The following PCDHGA2 variants were observed in gnomAD, a reference collection of about 807,000 sequenced individuals.
PCDHGA2 encodes protocadherin gamma subfamily A, 2, also known as protocadherin gamma-A2.
PCDHGA2 carries 40 observed loss-of-function variants against 59.2 expected under a neutral mutation model. That is an observed-to-expected ratio of 0.68 (90% confidence interval 0.52 to 0.88). PCDHGA2 has a LOEUF of 0.88. Among genes scored for constraint, PCDHGA2 ranks in the 40% least tolerant of loss-of-function variants. PCDHGA2 has a pLI of 0.00. For missense variants in PCDHGA2, 1,226 were observed against 1,204.0 expected (o/e 1.02, Z -0.27); for synonymous variants, 560 against 526.0 (o/e 1.06, Z -0.89).
Position 141,346,237 on chromosome 5 carries a change from C to T in PCDHGA2, c.2424+4842C>T, listed in dbSNP as rs769767532. The T allele has an allele frequency of 3.5e-5, 56 of 1,614,130 alleles. No individual in the cohort carries two copies. In the African/African-American group the frequency reaches 6.4e-4, roughly 18 times the overall value. On this transcript the variant is annotated intron_variant, in intron 1 of 3. Transcript: ENST00000394576. Reference sequence around the variant, plus strand: ...GCTTCGGGAGGCGGCTTGGCGAGTACGCCCGGCTCGCACTTTGTGGGCGCG... The same window carrying T: ...GCTTCGGGAGGCGGCTTGGCGAGTATGCCCGGCTCGCACTTTGTGGGCGCG...
rs1419016534 is a variant in PCDHGA2, at chr5:141,355,792, C to A, written c.2424+14397C>A. On this transcript the variant is annotated intron_variant, in intron 1 of 3. Coordinates refer to ENST00000394576, the MANE Select transcript of PCDHGA2 (RefSeq NM_018915.4). Reference sequence around the variant, plus strand: ...TAAGTACCCAGAGCTGGTGCTGGAACGCGCTCTAGATCGCGAGGAAGAGGC... The same window carrying A: ...TAAGTACCCAGAGCTGGTGCTGGAAAGCGCTCTAGATCGCGAGGAAGAGGC... 8.1e-6 allele frequency: 13 copies of A among 1,613,562 alleles called. No individual in the cohort carries two copies. The South Asian group carries it at 1.3e-4, about 16-fold the overall frequency.
intron 2 of PCDHGA2, among the ~76,000 whole-genome samples, chr5:141,502,472 A>G (rs1450967250): frequency 1.3e-5 from 2 of 150,886 alleles, no homozygotes; most frequent in Non-Finnish European, 2.9e-5. Flanking sequence ...TACTTCCCGC[A>G]GCATCACACT....
intron 1 of PCDHGA2, among the ~76,000 whole-genome samples, chr5:141,456,745 A>T (rs573105679): frequency 6.6e-6 from 1 of 151,920 alleles, no homozygotes; most frequent in South Asian, 2.1e-4. Context: ...CGGGAGCATC[A>T]TGAGGTCAGG....
intron 1 of PCDHGA2, chr5:141,361,109 G>C: frequency 1.2e-6 from 2 of 1,613,990 alleles, no homozygotes; most frequent in Non-Finnish European, 1.7e-6. Flanking sequence ...AAAGATCCTG[G>C]AGATCTAGCA....
At position 141,476,786 on chromosome 5, in the gene PCDHGA2, C is replaced by G. The variant is rs2099398607; in HGVS notation, c.2425-18021C>G. 3.1e-6 allele frequency: 5 copies of G among 1,613,444 alleles called. No individual in the cohort carries two copies. The highest frequency in any genetic ancestry group is 1.7e-5 in the Admixed American group (1 of 60,000). ...GGCGTTGGACGGAGGGACCCCAGCTCTCTCCGCCAGCCTGCCTATTCACAT... is the reference window on the plus strand; with the variant it reads ...GGCGTTGGACGGAGGGACCCCAGCTGTCTCCGCCAGCCTGCCTATTCACAT... On this transcript the variant is annotated intron_variant, in intron 1 of 3. Coordinates refer to ENST00000394576, the MANE Select transcript of PCDHGA2 (RefSeq NM_018915.4). The surrounding 1 kb of genome is among the most constrained non-coding windows in gnomAD (Gnocchi z 7.6).
chr5:141,474,500 C>G (rs183956979), intron 1 of PCDHGA2, among the ~76,000 whole-genome samples: 31 of 152,324 alleles, frequency 2.0e-4, no homozygotes, highest in African/African-American at 6.3e-4. Context: ...CTTCTAATGC[C>G]TATCAGCCCT....
intron 1 of PCDHGA2, chr5:141,352,191 A>G (rs1339193704): frequency 1.2e-6 from 2 of 1,613,698 alleles, no homozygotes; most frequent in African/African-American, 2.7e-5. Flanking sequence ...GCTGTGCGTG[A>G]TGGAGGACAG....
At position 141,476,396 on chromosome 5, in the gene PCDHGA2, C is replaced by A; in HGVS notation, c.2425-18411C>A. The A allele has an allele frequency of 6.2e-7, 1 of 1,614,032 alleles. No homozygotes were observed. Among genetic ancestry groups the A allele is most frequent in the Non-Finnish European group, 8.5e-7 (1 of 1,180,020 alleles). Reference sequence around the variant, plus strand: ...GATGTTTGTGAACGACCGTCTGGATCGAGAGGAGCTGTGTGGGACACTGCC... The same window carrying A: ...GATGTTTGTGAACGACCGTCTGGATAGAGAGGAGCTGTGTGGGACACTGCC... On this transcript the variant is annotated intron_variant, in intron 1 of 3. Transcript: ENST00000394576. The surrounding 1 kb of genome is among the most constrained non-coding windows in gnomAD (Gnocchi z 7.6).
chr5:141,413,207 C>CA lies in PCDHGA2; in HGVS notation c.2424+71815dup, dbSNP rs753988593. On this transcript the variant is annotated intron_variant, in intron 1 of 3. Transcript: ENST00000394576. The stretch of plus-strand genomic sequence containing the variant: ...GCTCAAAGGAATCGCTCAAAGGAAT[C>CA]AAAGGATTGCAGCGGGCTGGTCCTG... The CA allele has an allele frequency of 1.7e-5, 27 of 1,612,874 alleles. No homozygotes were observed. In the East Asian group the frequency reaches 6.0e-4, roughly 36 times the overall value.
chr5:141,394,850 G>C, intron 1 of PCDHGA2: 1 of 1,613,820 alleles, frequency 6.2e-7, no homozygotes, highest in Non-Finnish European at 8.5e-7. Flanking sequence ...GCAGTCTGAA[G>C]CCTTCGGTCG....
At chr5:141,404,524 G>A (rs368795324) in intron 1 of PCDHGA2, 2 of 1,613,820 alleles carry the variant, frequency 1.2e-6, no homozygotes, top group African/African-American at 1.3e-5. Context: ...ACTATGAGCA[G>A]TTTAGAGATT....
chr5:141,428,846 A>G (rs936271540), intron 1 of PCDHGA2: 1 of 143,414 alleles, frequency 7.0e-6, no homozygotes, highest in Non-Finnish European at 1.5e-5. Flanking sequence ...CATTTTCACC[A>G]TTTTTACGGG....
At chr5:141,499,689 CT>C (rs545067566) in intron 2 of PCDHGA2, among the ~76,000 whole-genome samples, 4,434 of 119,828 alleles carry the variant, frequency 0.037, 46 homozygotes, top group African/African-American at 0.083. Context: ...TAACAGATGA[CT>C]TTTTTTTTTT....
intron 1 of PCDHGA2, chr5:141,361,341 C>G: frequency 6.2e-7 from 1 of 1,613,988 alleles, no homozygotes; most frequent in South Asian, 1.1e-5. Context: ...AGAACTATTA[C>G]AAACTAGTGA....
At chr5:141,387,967 C>A in intron 1 of PCDHGA2, 1 of 1,489,224 alleles carries the variant, frequency 6.7e-7, no homozygotes, top group Non-Finnish European at 9.0e-7. Context: ...TTCTGCCCGG[C>A]GCTCTGTGAG....
At chr5:141,372,294 G>T (rs536487253) in intron 1 of PCDHGA2, 39 of 1,613,162 alleles carry the variant, frequency 2.4e-5, no homozygotes, top group Non-Finnish European at 2.9e-5. Flanking sequence ...TACCTTGGGC[G>T]ACAGGGAGGC....
chr5:141,384,216 C>T (rs1342379342), intron 1 of PCDHGA2: 1 of 1,613,896 alleles, frequency 6.2e-7, no homozygotes, highest in Non-Finnish European at 8.5e-7. Context: ...CTCACATATT[C>T]ATGCAGGTGG....
chr5:141,409,608 C>T, intron 1 of PCDHGA2: 18 of 1,613,942 alleles, frequency 1.1e-5, no homozygotes, highest in Non-Finnish European at 1.4e-5. Flanking sequence ...CCGCCAGGAG[C>T]CTCCATTGCG....
chr5:141,352,617 G>T, intron 1 of PCDHGA2: 3 of 1,613,100 alleles, frequency 1.9e-6, no homozygotes, highest in Non-Finnish European at 2.5e-6. Context: ...ATGGTTGTAT[G>T]TGCCAGTAAT....
Sources: allele counts gnomAD v4.1 joint callset (sites outside exome capture counted in the v4.1 genomes callset), GRCh38; gene constraint gnomAD v4.1.1; non-coding constraint Gnocchi (gnomAD v3.1); transcripts MANE v1.5; gene names NCBI Gene and HGNC (gene_info 2026-07-23, HGNC 2026-07-21).